The following NR2C2 variants were observed in gnomAD, a reference collection of about 807,000 sequenced individuals.
The protein encoded by NR2C2 is nuclear receptor subfamily 2 group C member 2.
NR2C2 carries 6 observed loss-of-function variants against 62.9 expected under a neutral mutation model. The observed-to-expected ratio is 0.10, with a 90% CI of 0.05 to 0.19. The LOEUF is 0.19. NR2C2 is among the 10% of genes least tolerant of loss of function. The probability of loss-of-function intolerance (pLI) is 1.00; values close to 1 mark genes in which losing one functional copy is unlikely to be tolerated. For missense variants in NR2C2, 479 were observed against 762.7 expected, an observed-to-expected ratio of 0.63 and a Z score of 4.38; for synonymous variants, 272 against 273.8, an observed-to-expected ratio of 0.99 and a Z score of 0.07.
intron 4 of NR2C2, 43 bp from the exon 5 acceptor site, chr3:15,020,710 A>G: frequency 6.2e-7 from 1 of 1,604,472 alleles, no homozygotes; most frequent in Non-Finnish European, 8.5e-7. Flanking sequence ...TGAATCCACA[A>G]ATATAGTCAC....
intron 1 of NR2C2, among the ~76,000 whole-genome samples, chr3:14,979,030 C>A (rs979766098): frequency 2.0e-5 from 3 of 152,154 alleles, no homozygotes; most frequent in Admixed American, 6.5e-5. Flanking sequence ...TAATATCCCC[C>A]CATAGTCATT....
At chr3:14,995,884 G>A (rs1033864759) in intron 1 of NR2C2, among the ~76,000 whole-genome samples, 2 of 152,186 alleles carry the variant, frequency 1.3e-5, no homozygotes, top group African/African-American at 4.8e-5. Context: ...TAGAGGGTGT[G>A]AAGTGGTATC....
intron 11 of NR2C2, among the ~76,000 whole-genome samples, chr3:15,037,707 C>G (rs1328967944): frequency 6.6e-6 from 1 of 152,184 alleles, no homozygotes; most frequent in Non-Finnish European, 1.5e-5. Flanking sequence ...CTCAGGTACA[C>G]AATAAAAGAA....
intron 5 of NR2C2, 120 bp from the exon 6 acceptor site, chr3:15,023,080 G>C (rs2041722622): frequency 9.1e-7 from 1 of 1,099,066 alleles, no homozygotes; most frequent in Admixed American, 2.3e-5. Context: ...TGAAAGCTGA[G>C]CTAGATGAAC....
chr3:14,994,652 A>G (rs965129425), intron 1 of NR2C2, among the ~76,000 whole-genome samples: 2 of 151,440 alleles, frequency 1.3e-5, no homozygotes, highest in Non-Finnish European at 2.9e-5. Flanking sequence ...CATGTTGGCC[A>G]GGATGGTCTC....
chr3:14,981,435 C>T (rs950628843), intron 1 of NR2C2, among the ~76,000 whole-genome samples: 5 of 151,956 alleles, frequency 3.3e-5, no homozygotes, highest in African/African-American at 1.2e-4. Context: ...AATCCCATCT[C>T]TGCTAAAAAT....
At chr3:15,002,433 C>G (rs557760550) in intron 1 of NR2C2, among the ~76,000 whole-genome samples, 1 of 151,924 alleles carries the variant, frequency 6.6e-6, no homozygotes, top group South Asian at 2.1e-4. Flanking sequence ...CCCAGTTATT[C>G]GTGGTGTATA....
intron 1 of NR2C2, among the ~76,000 whole-genome samples, chr3:14,952,184 T>C (rs2039385132): frequency 6.6e-6 from 1 of 152,222 alleles, no homozygotes; most frequent in Non-Finnish European, 1.5e-5. Flanking sequence ...TAATTCCCCA[T>C]TTGTCAAACA....
chr3:15,033,078 G>A (rs143881876), intron 10 of NR2C2, among the ~76,000 whole-genome samples: 184 of 152,080 alleles, frequency 1.2e-3, no homozygotes, highest in African/African-American at 3.8e-3. Context: ...AGCTGCCACC[G>A]TGCCATCAGG....
At chr3:15,042,185 G>C (rs746941503) in intron 13 of NR2C2, among the ~76,000 whole-genome samples, 6 of 152,184 alleles carry the variant, frequency 3.9e-5, no homozygotes, top group Non-Finnish European at 7.3e-5. Flanking sequence ...GAGATACACA[G>C]TGTTCAGTGG....
At chr3:14,997,465 A>G (rs1010627153) in intron 1 of NR2C2, among the ~76,000 whole-genome samples, 1 of 152,252 alleles carries the variant, frequency 6.6e-6, no homozygotes, top group African/African-American at 2.4e-5. Context: ...GATGCAATGA[A>G]TATGCTCTGA....
rs527677356 is a variant in NR2C2, at chr3:14,972,174, CT to C, written c.-40+24284del. On this transcript the variant is annotated intron_variant, in intron 1 of 13. Transcript: ENST00000425241. ...CTCTCTTTTTTTTTTCTTTTTCTTT[CT>C]TTTTTTTTTTTTTTTCTGAGACAGT... is the stretch of plus-strand genomic sequence containing the variant. 9.2e-3 allele frequency among the ~76,000 whole-genome samples: 1,079 copies of C among 117,058 alleles called. 13 individuals are homozygous for C. Among genetic ancestry groups the C allele is most frequent in the African/African-American group, 0.028 (882 of 31,894 alleles). The allele number at this position is 117,058 out of a possible 152,430, so 76.8% of individuals were successfully genotyped here. A position where few individuals can be genotyped will look rare whatever the true frequency, so the allele number is the denominator to read the frequency against.
intron 1 of NR2C2, among the ~76,000 whole-genome samples, chr3:14,961,842 C>T (rs753050877): frequency 5.9e-5 from 9 of 152,078 alleles, no homozygotes; most frequent in Non-Finnish European, 1.3e-4. Context: ...GTATGGGTAC[C>T]ATATTCTTGT....
intron 2 of NR2C2, among the ~76,000 whole-genome samples, chr3:15,011,306 G>A (rs1484179722): frequency 2.6e-5 from 4 of 152,092 alleles, no homozygotes; most frequent in South Asian, 2.1e-4. Flanking sequence ...GCCACTGCAC[G>A]CCAGCCTGGG....
In NR2C2 at chr3:15,034,715, C is replaced by T. The variant is rs761789791; in HGVS notation, c.1278C>T (p.Leu426=). Residue 426 remains leucine (L), a synonymous_variant, in exon 11 of 14, where the codon CTC becomes CTT. Transcript: ENST00000425241. ...TTGTGCGGGCCTGCTGGAATGAGCT[C>T]TTCACCCTCGGCCTGGCCCAGTGTG... ...TSLVRACWNE[L]FTLGLAQCAQ... 3.1e-6 allele frequency: 5 copies of T among 1,614,202 alleles called. No individual in the cohort carries two copies. The highest frequency in any genetic ancestry group is 3.3e-5 in the Admixed American group (2 of 60,032).
At chr3:15,037,520 G>A (rs908571701) in intron 11 of NR2C2, among the ~76,000 whole-genome samples, 3 of 152,114 alleles carry the variant, frequency 2.0e-5, no homozygotes, top group Admixed American at 6.5e-5. Context: ...AAGGTGGGAG[G>A]ATCACTTGAG....
At chr3:14,949,617 A>T (rs1337527516) in intron 1 of NR2C2, among the ~76,000 whole-genome samples, 1 of 152,226 alleles carries the variant, frequency 6.6e-6, no homozygotes, top group Non-Finnish European at 1.5e-5. Flanking sequence ...CTTTACTTCC[A>T]GATTCAAATC....
chr3:14,970,412 T>G (rs542197591), intron 1 of NR2C2, among the ~76,000 whole-genome samples: 20 of 152,320 alleles, frequency 1.3e-4, no homozygotes, highest in African/African-American at 4.8e-4. Flanking sequence ...TCTGTAACCA[T>G]CACCACCATC....
At chr3:14,969,123 A>G (rs1443726959) in intron 1 of NR2C2, among the ~76,000 whole-genome samples, 1 of 151,724 alleles carries the variant, frequency 6.6e-6, no homozygotes, top group East Asian at 1.9e-4. Flanking sequence ...GTACCCTAAA[A>G]CTTAAAGTAT....
Sources: allele counts gnomAD v4.1 joint callset (sites outside exome capture counted in the v4.1 genomes callset), GRCh38; gene constraint gnomAD v4.1.1; transcripts MANE v1.5; gene names NCBI Gene and HGNC (gene_info 2026-07-23, HGNC 2026-07-21).